COL19A1: variants seen among roughly 807,000 people sequenced by gnomAD.
COL19A1 encodes the protein collagen type XIX alpha 1 chain, also known as collagen alpha-1(XIX) chain.
A neutral mutation model predicts 190.2 loss-of-function variants in COL19A1; 159 were observed. The observed-to-expected ratio is 0.84, with a 90% confidence interval of 0.73 to 0.95. The LOEUF is 0.95. COL19A1 is among the 40% of genes least tolerant of loss of function. The pLI, the probability that COL19A1 is intolerant of heterozygous loss-of-function variation, is 0.00. For synonymous variants in COL19A1, 509 were observed against 458.9 expected, an observed-to-expected ratio of 1.11 and a Z score of -1.39; for missense variants, 1,418 against 1,431.9, an observed-to-expected ratio of 0.99 and a Z score of 0.16.
At position 70,161,347 on chromosome 6, in the gene COL19A1, T is replaced by C. The variant is rs116976700; in HGVS notation, c.2293-553T>C. Among the ~76,000 whole-genome samples the C allele has an allele frequency of 8.3e-4, 127 of 152,312 alleles. 2 individuals are homozygous for C. The East Asian group carries it at 0.022, about 26-fold the overall frequency. On this transcript the variant is annotated intron_variant, in intron 34 of 50. Coordinates refer to ENST00000620364, the MANE Select transcript of COL19A1 (RefSeq NM_001858.6). ...ATTTCCATGTTTTACCAGTACGAGA[T>C]TCTTAGATACTACTGCTGACGGAGT...
chr6:69,968,971 T>C (rs1775270056), intron 11 of COL19A1, among the ~76,000 whole-genome samples: 1 of 152,204 alleles, frequency 6.6e-6, no homozygotes, highest in African/African-American at 2.4e-5. Context: ...TTCACATATT[T>C]TTGTGTTCTG....
At chr6:69,900,858 T>TG (rs1032748880) in intron 4 of COL19A1, among the ~76,000 whole-genome samples, 1 of 152,192 alleles carries the variant, frequency 6.6e-6, no homozygotes, top group African/African-American at 2.4e-5. Flanking sequence ...AATTTTAAAA[T>TG]AGATTTACCA....
chr6:69,977,644 G>T (rs1024525026), intron 11 of COL19A1, among the ~76,000 whole-genome samples: 1 of 151,344 alleles, frequency 6.6e-6, no homozygotes, highest in Non-Finnish European at 1.5e-5. Context: ...TTTTTGCTTG[G>T]CATTTCCCAG....
chr6:70,121,355 T>G (rs1784870033), intron 16 of COL19A1, among the ~76,000 whole-genome samples: 1 of 152,224 alleles, frequency 6.6e-6, no homozygotes, highest in South Asian at 2.1e-4. Context: ...TTTAAATTTC[T>G]TAAGCCTGAG....
intron 48 of COL19A1, among the ~76,000 whole-genome samples, chr6:70,195,340 C>A (rs558189403): frequency 2.6e-5 from 4 of 152,046 alleles, no homozygotes; most frequent in African/African-American, 9.6e-5. Flanking sequence ...AAGTTGTGAG[C>A]GAACAGTGGG....
intron 11 of COL19A1, among the ~76,000 whole-genome samples, chr6:69,967,865 C>T (rs554269198): frequency 4.6e-5 from 7 of 152,128 alleles, no homozygotes; most frequent in South Asian, 2.1e-4. Flanking sequence ...TATAAAATTC[C>T]GTACAAAATA....
At chr6:69,929,833 C>CAG in intron 6 of COL19A1, 133 bp downstream of exon 6, 1 of 823,596 alleles carries the variant, frequency 1.2e-6, no homozygotes, top group Admixed American at 3.3e-5. Context: ...AATTAATTTG[C>CAG]CGTCAGATGT....
chr6:70,139,284 G>A (rs770456761), intron 19 of COL19A1, among the ~76,000 whole-genome samples: 1 of 152,022 alleles, frequency 6.6e-6, no homozygotes, highest in Admixed American at 6.6e-5. Flanking sequence ...AAGCAGCAAG[G>A]GTTGAAGGAG....
chr6:69,977,268 A>G (rs900417056), intron 11 of COL19A1, among the ~76,000 whole-genome samples: 1 of 152,132 alleles, frequency 6.6e-6, no homozygotes, highest in Non-Finnish European at 1.5e-5. Flanking sequence ...TTGTAGGGAC[A>G]TGGATGAAGC....
chr6:69,872,156 GT>G, intron 1 of COL19A1, among the ~76,000 whole-genome samples: 1 of 151,444 alleles, frequency 6.6e-6, no homozygotes, highest in Admixed American at 6.6e-5. Context: ...TTTTTTGTTT[GT>G]TTTTTGTTTT....
chr6:69,968,809 A>G (rs1012089481), intron 11 of COL19A1, among the ~76,000 whole-genome samples: 1 of 152,198 alleles, frequency 6.6e-6, no homozygotes, highest in Non-Finnish European at 1.5e-5. Flanking sequence ...TTTATATAAT[A>G]TACGTAAACG....
intron 2 of COL19A1, among the ~76,000 whole-genome samples, chr6:69,895,962 A>G (rs1769702464): frequency 6.6e-6 from 1 of 152,054 alleles, no homozygotes; most frequent in East Asian, 1.9e-4. Flanking sequence ...ATCTACACTT[A>G]TTTTTTGGTA....
intron 31 of COL19A1, among the ~76,000 whole-genome samples, 153 bp from the exon 32 acceptor site, chr6:70,155,974 T>C (rs1242765043): frequency 6.6e-6 from 1 of 152,174 alleles, no homozygotes; most frequent in Non-Finnish European, 1.5e-5. Flanking sequence ...AATTAATGTT[T>C]TTAAATTGGA....
chr6:70,130,302 T>C, intron 18 of COL19A1, 79 bp downstream of exon 18: 1 of 1,201,784 alleles, frequency 8.3e-7, no homozygotes, highest in South Asian at 1.4e-5. Flanking sequence ...CTTGGCTCAC[T>C]ATAACCTCCA....
At chr6:69,891,511 C>A (rs1366269335) in intron 2 of COL19A1, among the ~76,000 whole-genome samples, 9 of 152,202 alleles carry the variant, frequency 5.9e-5, no homozygotes, top group Non-Finnish European at 1.2e-4. Flanking sequence ...GGGGAGCAGG[C>A]ATGCCTGGTT....
chr6:70,212,307 C>T lies in COL19A1; in HGVS notation c.*5033C>T, dbSNP rs561656397. On this transcript the variant is annotated 3_prime_UTR_variant, in exon 51 of 51. Transcript: ENST00000620364. ...CTATCTTACCTCATCAAACTCTTTACGATTTAATTGAATATACTCATGTTA... is the reference window on the plus strand; with the variant it reads ...CTATCTTACCTCATCAAACTCTTTATGATTTAATTGAATATACTCATGTTA... 7.9e-5 allele frequency among the ~76,000 whole-genome samples: 12 copies of T among 152,238 alleles called. No homozygotes were observed. The highest frequency in any genetic ancestry group is 1.3e-4 in the Admixed American group (2 of 15,302).
intron 16 of COL19A1, among the ~76,000 whole-genome samples, chr6:70,113,374 T>A (rs1201593973): frequency 3.3e-5 from 5 of 152,214 alleles, no homozygotes; most frequent in South Asian, 2.1e-4. Context: ...CACAACAGAA[T>A]ACAATGGCAC....
intron 48 of COL19A1, among the ~76,000 whole-genome samples, chr6:70,195,904 C>T (rs2150302991): frequency 6.6e-6 from 1 of 152,280 alleles, no homozygotes. Context: ...TCATATGCTC[C>T]CCCATTCTTG....
At chr6:69,942,592 A>G (rs1275319857) in intron 9 of COL19A1, among the ~76,000 whole-genome samples, 2 of 151,936 alleles carry the variant, frequency 1.3e-5, no homozygotes, top group African/African-American at 2.4e-5. Flanking sequence ...AACTTTTTAA[A>G]CTTCTACATA....
Sources: gnomAD v4.1 joint callset for allele counts (sites outside exome capture counted in the v4.1 genomes callset) on GRCh38, gnomAD v4.1.1 for gene constraint, MANE v1.5 for transcripts, NCBI Gene and HGNC (gene_info 2026-07-23, HGNC 2026-07-21) for gene names.